Variants in ST8SIA6 observed in about 807,000 individuals in gnomAD.
ST8SIA6 encodes the protein ST8 alpha-N-acetyl-neuraminide alpha-2,8-sialyltransferase 6.
A neutral mutation model predicts 33.6 loss-of-function variants in ST8SIA6; 39 were observed. That is an observed-to-expected ratio of 1.16 (90% CI 0.90 to 1.52). The LOEUF is 1.52. ST8SIA6 is among the 40% of genes most tolerant of loss of function. ST8SIA6 has a pLI of 0.00. For missense variants in ST8SIA6, 441 were observed against 443.8 expected, an observed-to-expected ratio of 0.99 and a Z score of 0.06; for synonymous variants, 172 against 167.2, an observed-to-expected ratio of 1.03 and a Z score of -0.22.
chr10:17,369,518 T>C (rs903440715), intron 3 of ST8SIA6, among the ~76,000 whole-genome samples: 10 of 152,272 alleles, frequency 6.6e-5, no homozygotes, highest in Middle Eastern at 3.4e-3. Context: ...GAATGATTTG[T>C]GTGCTTTTGA....
At chr10:17,327,165 T>A (rs1415754445) in intron 5 of ST8SIA6, 39 bp from the exon 6 acceptor site, 1 of 1,479,452 alleles carries the variant, frequency 6.8e-7, no homozygotes, top group Non-Finnish European at 9.3e-7. Context: ...GAAATACCGT[T>A]AATTTTAGAA....
At chr10:17,434,626 C>T (rs189321857) in intron 2 of ST8SIA6, among the ~76,000 whole-genome samples, 7 of 152,154 alleles carry the variant, frequency 4.6e-5, no homozygotes, top group East Asian at 1.9e-4. Flanking sequence ...GTGAATGAGG[C>T]GGATGTGCTT....
intron 2 of ST8SIA6, among the ~76,000 whole-genome samples, chr10:17,427,103 G>GA (rs60070400): frequency 0.53 from 70,686 of 133,306 alleles, 19,139 homozygotes; most frequent in African/African-American, 0.68. Flanking sequence ...GACTGTGTCT[G>GA]AAAAAAAAAA....
At chr10:17,395,825 G>A (rs1339729522) in intron 2 of ST8SIA6, among the ~76,000 whole-genome samples, 1 of 152,174 alleles carries the variant, frequency 6.6e-6, no homozygotes, top group African/African-American at 2.4e-5. Context: ...AAAGGTTGTG[G>A]TGAGCCGAGA....
chr10:17,418,928 G>A (rs191761182), intron 2 of ST8SIA6, among the ~76,000 whole-genome samples: 2,015 of 147,726 alleles, frequency 0.014, 26 homozygotes, highest in Non-Finnish European at 0.022. Flanking sequence ...GGGAGGCAGA[G>A]GTTGCAGTGA....
chr10:17,344,319 T>C (rs1394575425), intron 4 of ST8SIA6, among the ~76,000 whole-genome samples: 2 of 151,534 alleles, frequency 1.3e-5, no homozygotes, highest in African/African-American at 4.9e-5. Context: ...AGAAAGGAGG[T>C]TTAATGGATT....
intron 2 of ST8SIA6, among the ~76,000 whole-genome samples, chr10:17,391,275 A>T (rs902143044): frequency 2.0e-5 from 3 of 150,292 alleles, no homozygotes; most frequent in African/African-American, 7.3e-5. Flanking sequence ...TTATTTATTT[A>T]TTTTTTAGAT....
In ST8SIA6 at chr10:17,316,816, T is replaced by C. The variant is rs1847790955; in HGVS notation, c.*4062A>G. Among the ~76,000 whole-genome samples the C allele has an allele frequency of 6.6e-6, 1 of 152,156 alleles. No homozygotes were observed. The highest frequency in any genetic ancestry group is 2.4e-5 in the African/African-American group (1 of 41,438). On this transcript the variant is annotated 3_prime_UTR_variant, in exon 8 of 8. Transcript: ENST00000377602. ...TTATATTGAGTTTCCTGTCTTTTAC[T>C]TGTTGATTTACAATTCCTTGGAATG... is the stretch of plus-strand genomic sequence containing the variant.
intron 4 of ST8SIA6, among the ~76,000 whole-genome samples, chr10:17,334,552 A>T (rs547255251): frequency 0.012 from 433 of 35,842 alleles, 6 homozygotes; most frequent in Admixed American, 0.062. Flanking sequence ...AAAAAAAAAA[A>T]TTATTATTAT....
At chr10:17,421,246 TGA>T (rs1264856780) in intron 2 of ST8SIA6, among the ~76,000 whole-genome samples, 1 of 152,232 alleles carries the variant, frequency 6.6e-6, no homozygotes, top group African/African-American at 2.4e-5. Flanking sequence ...TGGAACTGGC[TGA>T]GTCCTCTGTT....
chr10:17,384,318 G>T lies in ST8SIA6; in HGVS notation c.290+6213C>A, dbSNP rs984081564. Among the ~76,000 whole-genome samples, 6 of 152,296 alleles carry T rather than the reference G, an allele frequency of 3.9e-5. No homozygotes were observed. The East Asian group carries it at 9.6e-4, about 24-fold the overall frequency. On this transcript the variant is annotated intron_variant, in intron 3 of 7. Coordinates refer to ENST00000377602, the MANE Select transcript of ST8SIA6 (RefSeq NM_001004470.3). Reference sequence around the variant, plus strand: ...TGGCACAAATCCATGACTGGGCTTGGCTTTTAAAAAGTCTTATCTGAGATT... The same window carrying T: ...TGGCACAAATCCATGACTGGGCTTGTCTTTTAAAAAGTCTTATCTGAGATT...
At chr10:17,361,183 G>T (rs78820688) in intron 3 of ST8SIA6, among the ~76,000 whole-genome samples, 1 of 151,954 alleles carries the variant, frequency 6.6e-6, no homozygotes, top group South Asian at 2.1e-4. Flanking sequence ...GATTAGAGTA[G>T]AAATTGATAA....
chr10:17,414,721 A>G (rs908245983), intron 2 of ST8SIA6, among the ~76,000 whole-genome samples: 5 of 152,048 alleles, frequency 3.3e-5, no homozygotes, highest in Non-Finnish European at 7.4e-5. Context: ...TCCTCTTCTT[A>G]TAAAGACACC....
chr10:17,418,166 C>T (rs1458173541), intron 2 of ST8SIA6, among the ~76,000 whole-genome samples: 1 of 152,038 alleles, frequency 6.6e-6, no homozygotes, highest in African/African-American at 2.4e-5. Flanking sequence ...TCAAGCAATC[C>T]TCCCACCTCA....
At chr10:17,373,862 G>A (rs778602731) in intron 3 of ST8SIA6, among the ~76,000 whole-genome samples, 19 of 152,060 alleles carry the variant, frequency 1.2e-4, no homozygotes, top group Admixed American at 6.6e-4. Flanking sequence ...ATATGAATGC[G>A]TAATCAACAT....
At chr10:17,451,797 A>G (rs547409174) in intron 2 of ST8SIA6, among the ~76,000 whole-genome samples, 1 of 152,336 alleles carries the variant, frequency 6.6e-6, no homozygotes, top group Admixed American at 6.5e-5. Context: ...AACCAAAATC[A>G]TAAATGATAA....
At chr10:17,341,815 C>T (rs113891687) in intron 4 of ST8SIA6, among the ~76,000 whole-genome samples, 4 of 137,810 alleles carry the variant, frequency 2.9e-5, no homozygotes, top group African/African-American at 1.1e-4. Context: ...GCAAGAGAAT[C>T]GCTTGAACCC....
chr10:17,341,917 A>C (rs971145309), intron 4 of ST8SIA6, among the ~76,000 whole-genome samples: 9 of 150,918 alleles, frequency 6.0e-5, no homozygotes, highest in East Asian at 5.8e-4. Flanking sequence ...AAAAAAAAAA[A>C]AAAACAAAAA....
At chr10:17,386,975 G>A (rs970308123) in intron 3 of ST8SIA6, 1 of 152,222 alleles carries the variant, frequency 6.6e-6, no homozygotes, top group Non-Finnish European at 1.5e-5. Context: ...CAGCTTCTAG[G>A]CCCTGGGGAT....
Sources: gnomAD v4.1 joint callset for allele counts (sites outside exome capture counted in the v4.1 genomes callset) on GRCh38, gnomAD v4.1.1 for gene constraint, MANE v1.5 for transcripts, NCBI Gene and HGNC (gene_info 2026-07-23, HGNC 2026-07-21) for gene names.